SERAC1: variants seen among roughly 807,000 people sequenced by gnomAD.
The protein encoded by SERAC1 is protein SERAC1.
SERAC1 carries 36 observed loss-of-function variants against 85.7 expected under a neutral mutation model. That is an observed-to-expected ratio of 0.42 (90% confidence interval 0.32 to 0.55). The LOEUF is 0.55. Among genes scored for constraint, SERAC1 ranks in the 20% least tolerant of loss-of-function variants. SERAC1 has a pLI of 0.11. For missense variants in SERAC1, 629 were observed against 796.2 expected (o/e 0.79, Z 2.53); for synonymous variants, 242 against 265.3 (o/e 0.91, Z 0.85).
At chr6:158,121,149 GT>G (rs772761815) in intron 10 of SERAC1, among the ~76,000 whole-genome samples, 4 of 151,766 alleles carry the variant, frequency 2.6e-5, no homozygotes, top group Non-Finnish European at 5.9e-5. Flanking sequence ...TAATGTTTTT[GT>G]TTTTAAAACT....
chr6:158,140,351 A>T (rs1784888080), intron 8 of SERAC1, among the ~76,000 whole-genome samples: 2 of 152,206 alleles, frequency 1.3e-5, no homozygotes, highest in African/African-American at 4.8e-5. Flanking sequence ...TGAGTCAATC[A>T]ATCATGCCAA....
Position 158,164,172 on chromosome 6 carries a change from A to G in SERAC1, c.-2+3968T>C, listed in dbSNP as rs146061210. Reference sequence around the variant, plus strand: ...AGAGTCTGCTTGTCAATTTCTATTTAAAAGCACCTTTAAGATTATGGGGCC... The same window carrying G: ...AGAGTCTGCTTGTCAATTTCTATTTGAAAGCACCTTTAAGATTATGGGGCC... On this transcript the variant is annotated intron_variant, in intron 1 of 16. Transcript: ENST00000647468. Among the ~76,000 whole-genome samples the G allele has an allele frequency of 4.5e-3, 685 of 152,038 alleles. 2 individuals carry two copies. Among genetic ancestry groups the G allele is most frequent in the Middle Eastern group, 0.014 (4 of 292 alleles).
At chr6:158,166,576 C>T (rs1487811647) in intron 1 of SERAC1, among the ~76,000 whole-genome samples, 2 of 152,156 alleles carry the variant, frequency 1.3e-5, no homozygotes, top group East Asian at 3.8e-4. Flanking sequence ...ATTCGTAGAA[C>T]TGAGGAAAAC....
chr6:158,131,729 G>A (rs886754922), intron 8 of SERAC1, among the ~76,000 whole-genome samples: 11 of 152,128 alleles, frequency 7.2e-5, no homozygotes, highest in African/African-American at 2.2e-4. Flanking sequence ...TTTAATAATT[G>A]ATCCTACAGA....
At chr6:158,162,846 G>A (rs1380079946) in intron 1 of SERAC1, among the ~76,000 whole-genome samples, 1 of 151,836 alleles carries the variant, frequency 6.6e-6, no homozygotes, top group Non-Finnish European at 1.5e-5. Context: ...TTTTTTTAAT[G>A]GCCACAAATT....
Position 158,143,126 on chromosome 6 carries a change from AGCTCTGTTT to A in SERAC1, c.659_667del (p.Gln220_Glu222del), listed in dbSNP as rs749977308. 6.2e-7 allele frequency: 1 copy of A among 1,613,740 alleles called. No individual in the cohort carries two copies. The highest frequency in any genetic ancestry group is 1.3e-5 in the African/African-American group (1 of 75,040). ...TGTAAAATACTGGATACACTCATCT[AGCTCTGTTT>A]GAGGTAAGGAAGCCAGCAACTGTCT... is the stretch of plus-strand genomic sequence containing the variant. On this transcript the variant is annotated inframe_deletion, in exon 8 of 17. Transcript: ENST00000647468.
chr6:158,150,430 G>C (rs375402597), intron 4 of SERAC1, 23 bp downstream of exon 4: 2 of 1,530,932 alleles, frequency 1.3e-6, no homozygotes, highest in African/African-American at 2.8e-5. Context: ...TTTTCACAGA[G>C]GATTACTTTA....
chr6:158,163,428 T>C (rs1490418337), intron 1 of SERAC1, among the ~76,000 whole-genome samples: 1 of 152,188 alleles, frequency 6.6e-6, no homozygotes, highest in Non-Finnish European at 1.5e-5. Flanking sequence ...CCAAGTGTGG[T>C]GGCTCATGCC....
chr6:158,138,593 T>A (rs956532131), intron 8 of SERAC1, among the ~76,000 whole-genome samples: 2 of 151,546 alleles, frequency 1.3e-5, no homozygotes, highest in Non-Finnish European at 2.9e-5. Flanking sequence ...GACATGGGGG[T>A]GCAGGAGATA....
chr6:158,156,475 T>C (rs941547027), intron 2 of SERAC1, among the ~76,000 whole-genome samples: 12 of 152,040 alleles, frequency 7.9e-5, no homozygotes, highest in African/African-American at 2.9e-4. Context: ...CCTCTGCTTC[T>C]TGATGCCCAA....
At chr6:158,136,991 C>G in intron 8 of SERAC1, among the ~76,000 whole-genome samples, 1 of 152,038 alleles carries the variant, frequency 6.6e-6, no homozygotes, top group East Asian at 1.9e-4. Context: ...AACCCCGTCT[C>G]TACTAAAAAT....
chr6:158,111,164 C>T lies in SERAC1; in HGVS notation c.*202G>A, dbSNP rs753509812. Reference sequence around the variant, plus strand: ...TACACCAAAGGGGCCCAATCCAGCCCTTCCTTCTGTGCCTGCCACTTCCGG... The same window carrying T: ...TACACCAAAGGGGCCCAATCCAGCCTTTCCTTCTGTGCCTGCCACTTCCGG... On this transcript the variant is annotated 3_prime_UTR_variant, in exon 17 of 17. Coordinates refer to ENST00000647468, the MANE Select transcript of SERAC1 (RefSeq NM_032861.4). The T allele has an allele frequency of 8.1e-5, 34 of 418,000 alleles. No homozygotes were observed. The highest frequency in any genetic ancestry group is 1.3e-4 in the Non-Finnish European group (31 of 239,320). 25.9% of individuals were successfully genotyped at this position (418,000 alleles called of 1,614,324 possible).
chr6:158,116,221 C>T lies in SERAC1; in HGVS notation c.1465G>A (p.Asp489Asn). Residue 489 changes from aspartate (D) to asparagine (N), a missense_variant, in exon 14 of 17, where the codon GAT (aspartate) becomes AAT (asparagine). Coordinates refer to ENST00000647468, the MANE Select transcript of SERAC1 (RefSeq NM_032861.4). ...TGTGATATCCAAACCACTGGCCTAT[C>T]CCCAACACCAGCAGCTCTGAGCTTC... ...LRKLRAAGVG[D>N]RPVVWISHSM... is the part of the protein sequence containing the mutation. 2 of 1,614,144 alleles carry T rather than the reference C, an allele frequency of 1.2e-6. No homozygotes were observed. Among genetic ancestry groups the T allele is most frequent in the Non-Finnish European group, 8.5e-7 (1 of 1,179,996 alleles).
chr6:158,123,864 G>C (rs561633799), intron 10 of SERAC1, among the ~76,000 whole-genome samples: 1 of 152,200 alleles, frequency 6.6e-6, no homozygotes, highest in Non-Finnish European at 1.5e-5. Flanking sequence ...TCTGTGGATA[G>C]AAGATTTCAA....
At chr6:158,135,015 C>G (rs527860622) in intron 8 of SERAC1, among the ~76,000 whole-genome samples, 1 of 152,184 alleles carries the variant, frequency 6.6e-6, no homozygotes, top group Admixed American at 6.6e-5. Flanking sequence ...CTATCGTATT[C>G]CTGTAATAAA....
intron 12 of SERAC1, 108 bp downstream of exon 12, chr6:158,118,921 C>T: frequency 7.5e-7 from 1 of 1,341,080 alleles, no homozygotes; most frequent in East Asian, 2.3e-5. Flanking sequence ...GAAAGAAGAA[C>T]TGCATGGGAA....
chr6:158,156,997 T>C (rs1262325885), intron 2 of SERAC1, among the ~76,000 whole-genome samples: 1 of 56,826 alleles, frequency 1.8e-5, no homozygotes, highest in Non-Finnish European at 3.6e-5. Flanking sequence ...ACATATAAAC[T>C]ATATATATAT....
chr6:158,124,862 G>A (rs755916968), intron 10 of SERAC1, among the ~76,000 whole-genome samples: 5 of 151,428 alleles, frequency 3.3e-5, no homozygotes, highest in Non-Finnish European at 7.4e-5. Flanking sequence ...GCAAATTAAA[G>A]ACATTTTCAA....
chr6:158,144,310 A>G lies in SERAC1; in HGVS notation c.598T>C (p.Ser200Pro), dbSNP rs746120525. Reference protein sequence around the residue: ...RFFLLPPPLPSLKEDSSTEEE... With the variant: ...RFFLLPPPLPPLKEDSSTEEE... ...ATTGTTTTACTTACTTCTTTTAAAG[A>G]TGGCAAAGGAGGTGGTAGGAGAAAA... Residue 200 changes from serine (S) to proline (P), a missense_variant, in exon 7 of 17, where the codon TCT (serine) becomes CCT (proline). Coordinates refer to ENST00000647468, the MANE Select transcript of SERAC1 (RefSeq NM_032861.4). 6.2e-7 allele frequency: 1 copy of G among 1,609,226 alleles called. No individual in the cohort carries two copies. Among genetic ancestry groups the G allele is most frequent in the African/African-American group, 1.3e-5 (1 of 74,732 alleles).
Sources: gnomAD v4.1 joint callset for allele counts (sites outside exome capture counted in the v4.1 genomes callset) on GRCh38, gnomAD v4.1.1 for gene constraint, MANE v1.5 for transcripts, NCBI Gene and HGNC (gene_info 2026-07-23, HGNC 2026-07-21) for gene names.